The following RYR2 variants were observed in gnomAD, a reference collection of about 807,000 sequenced individuals.
RYR2 encodes ryanodine receptor 2.
RYR2 carries 227 observed loss-of-function variants against 601.1 expected under a neutral mutation model. That is an observed-to-expected ratio of 0.38 (90% confidence interval 0.34 to 0.42). The LOEUF is 0.42. Ranked by LOEUF, RYR2 falls within the 10% of genes least tolerant of loss-of-function variation. The pLI, the probability that RYR2 is intolerant of heterozygous loss-of-function variation, is 1.00. For synonymous variants in RYR2, 2,223 were observed against 2,175.1 expected, an observed-to-expected ratio of 1.02 and a Z score of -0.61; for missense variants, 4,646 against 6,156.5, an observed-to-expected ratio of 0.75 and a Z score of 8.21.
At chr1:237,509,891 CAGAAG>C (rs1665707484) in intron 23 of RYR2, among the ~76,000 whole-genome samples, 3 of 152,170 alleles carry the variant, frequency 2.0e-5, no homozygotes, top group Admixed American at 2.0e-4. Context: ...AGCGAGGAGG[CAGAAG>C]AGACAGGACA....
chr1:237,569,343 T>A, intron 29 of RYR2, 24 bp downstream of exon 29: 2 of 1,605,694 alleles, frequency 1.2e-6, no homozygotes, highest in East Asian at 2.2e-5. Flanking sequence ...GTTTTGTGTT[T>A]TTTTTAAGTT....
At chr1:237,553,821 A>G (rs112051877) in intron 27 of RYR2, among the ~76,000 whole-genome samples, 2,198 of 151,994 alleles carry the variant, frequency 0.014, 19 homozygotes, top group Non-Finnish European at 0.023. Flanking sequence ...TCATTTTCCA[A>G]CTGTACACGA....
intron 87 of RYR2, among the ~76,000 whole-genome samples, chr1:237,775,520 T>A (rs1295029282): frequency 6.6e-6 from 1 of 152,138 alleles, no homozygotes; most frequent in Non-Finnish European, 1.5e-5. Context: ...GTGCTGCTTC[T>A]GGACTGCCTT....
intron 1 of RYR2, among the ~76,000 whole-genome samples, chr1:237,128,556 T>C (rs1403754179): frequency 1.3e-5 from 2 of 152,172 alleles, no homozygotes; most frequent in East Asian, 3.9e-4. Context: ...GTGCAGATTG[T>C]GTAGGACCTC....
rs1164382079 is a variant in RYR2 at position 237,550,579 on chromosome 1, C to T, written c.3102C>T (p.Pro1034=). ...ACAGAAGAAATCCTCGCCTTGTTCC[C>T]TACACTCTTCTGGATGACCGAACCA... ...VKNRRNPRLV[P]YTLLDDRTKK... is the part of the protein sequence containing the mutation. Residue 1034 remains proline, a synonymous_variant, in exon 27 of 105, where the codon CCC becomes CCT. Transcript: ENST00000366574. The T allele has an allele frequency of 1.2e-6, 2 of 1,608,334 alleles. No individual in the cohort carries two copies. The highest frequency in any genetic ancestry group is 3.4e-5 in the Admixed American group (2 of 59,250).
intron 1 of RYR2, among the ~76,000 whole-genome samples, chr1:237,162,384 A>G (rs534279614): frequency 1.4e-4 from 21 of 152,186 alleles, no homozygotes; most frequent in African/African-American, 5.1e-4. Context: ...CTTCCTCATG[A>G]ATAACCTTAG....
chr1:237,766,496 A>G (rs190253263), intron 84 of RYR2, among the ~76,000 whole-genome samples: 38 of 152,172 alleles, frequency 2.5e-4, no homozygotes, highest in African/African-American at 9.2e-4. Flanking sequence ...TTCACAGTTA[A>G]AGAAATCCAT....
chr1:237,255,838 A>AGTGTGTGTGTGTGTGT (rs4006354), intron 1 of RYR2, among the ~76,000 whole-genome samples: 79 of 142,952 alleles, frequency 5.5e-4, no homozygotes, highest in African/African-American at 1.8e-3. Flanking sequence ...TTGCTATACC[A>AGTGTGTGTGTGTGTGT]GTGTGTGTGT....
intron 1 of RYR2, among the ~76,000 whole-genome samples, chr1:237,043,104 G>C (rs569810870): frequency 6.6e-6 from 1 of 152,352 alleles, no homozygotes; most frequent in South Asian, 2.1e-4. Context: ...TGTAGCGTGC[G>C]GCGCAGCTGA....
At position 237,469,177 on chromosome 1, in the gene RYR2, A is replaced by C. The variant is rs1397154786; in HGVS notation, c.1698A>C (p.Glu566Asp). 5 of 1,596,786 alleles carry C rather than the reference A, an allele frequency of 3.1e-6. No homozygotes were observed. The highest frequency in any genetic ancestry group is 1.7e-5 in the Admixed American group (1 of 58,824). Residue 566 changes from glutamate (E) to aspartate (D), a missense_variant, in exon 17 of 105, where the codon GAA becomes GAC. By Grantham distance (45) the Glu-to-Asp change is conservative. Coordinates refer to ENST00000366574, the MANE Select transcript of RYR2 (RefSeq NM_001035.3). ...TGATCAGCAGATTGGAAAGACTGGAAGCTTCTTCAGGTATGTTTTCTAGTT... is the reference window on the plus strand; with the variant it reads ...TGATCAGCAGATTGGAAAGACTGGACGCTTCTTCAGGTATGTTTTCTAGTT... ...DWLISRLERL[E>D]ASSGILEVLH...
At chr1:237,668,712 G>T (rs1684544051) in intron 58 of RYR2, among the ~76,000 whole-genome samples, 1 of 152,132 alleles carries the variant, frequency 6.6e-6, no homozygotes, top group Non-Finnish European at 1.5e-5. Context: ...ATTTGACTAG[G>T]TGAAAATGTA....
Position 237,579,474 on chromosome 1 carries a change from C to T in RYR2, c.3598+10155C>T, listed in dbSNP as rs1365366248. ...TTTCACCATTTGGTGAGGCTGGTCT[C>T]GAACTCCTGACCTCAGGTGATCCAC... On this transcript the variant is annotated intron_variant, in intron 29 of 104. Coordinates refer to ENST00000366574, the MANE Select transcript of RYR2 (RefSeq NM_001035.3). Among the ~76,000 whole-genome samples the T allele has an allele frequency of 3.9e-5, 6 of 152,036 alleles. No homozygotes were observed. In the South Asian group the frequency reaches 6.2e-4, roughly 16 times the overall value.
chr1:237,068,905 A>G (rs578189399), intron 1 of RYR2, among the ~76,000 whole-genome samples: 10 of 152,294 alleles, frequency 6.6e-5, no homozygotes, highest in African/African-American at 2.4e-4. Context: ...AAAAAAATAC[A>G]TGTAATGGTA....
At chr1:237,570,036 T>G in intron 29 of RYR2, among the ~76,000 whole-genome samples, 1 of 151,898 alleles carries the variant, frequency 6.6e-6, no homozygotes, top group African/African-American at 2.4e-5. Context: ...ACCAACATAG[T>G]GAAACCCCAT....
At chr1:237,577,686 G>A (rs1673420659) in intron 29 of RYR2, among the ~76,000 whole-genome samples, 1 of 143,288 alleles carries the variant, frequency 7.0e-6, no homozygotes, top group Admixed American at 6.9e-5. Context: ...TGAGCAATAG[G>A]TTGGTAGATA....
intron 1 of RYR2, among the ~76,000 whole-genome samples, chr1:237,227,016 G>C (rs1684437331): frequency 6.6e-6 from 1 of 152,076 alleles, no homozygotes; most frequent in African/African-American, 2.4e-5. Flanking sequence ...CCATCTGCCT[G>C]CTTTGCAAAG....
intron 53 of RYR2, among the ~76,000 whole-genome samples, chr1:237,657,537 A>G (rs2148829598): frequency 6.6e-6 from 1 of 152,030 alleles, no homozygotes; most frequent in South Asian, 2.1e-4. Context: ...TAACATTTAC[A>G]GTGTTATTTG....
chr1:237,458,289 C>A (rs111618302), intron 16 of RYR2, among the ~76,000 whole-genome samples: 3 of 151,948 alleles, frequency 2.0e-5, no homozygotes, highest in Admixed American at 2.0e-4. Flanking sequence ...ATTAGCCGAG[C>A]GTGGTGGCGG....
chr1:237,813,773 T>G (rs1197155566), intron 100 of RYR2, among the ~76,000 whole-genome samples: 1 of 152,186 alleles, frequency 6.6e-6, no homozygotes, highest in Non-Finnish European at 1.5e-5. Flanking sequence ...TTTGAGGGAT[T>G]TCTGTCCTCA....
Sources: allele counts gnomAD v4.1 joint callset (sites outside exome capture counted in the v4.1 genomes callset), GRCh38; gene constraint gnomAD v4.1.1; transcripts MANE v1.5; gene names NCBI Gene and HGNC (gene_info 2026-07-23, HGNC 2026-07-21).